The following APAF1 variants were observed in gnomAD, a reference collection of about 807,000 sequenced individuals.
The protein encoded by APAF1 is apoptotic protease-activating factor 1.
In APAF1, 91 loss-of-function variants were observed where a neutral mutation model predicts 152.4. That is an observed-to-expected ratio of 0.60 (90% confidence interval 0.50 to 0.71). The LOEUF is 0.71. Among genes scored for constraint, APAF1 ranks in the 30% least tolerant of loss-of-function variants. The pLI is 0.00. For synonymous variants in APAF1, 484 were observed against 494.1 expected, an observed-to-expected ratio of 0.98 and a Z score of 0.27; for missense variants, 1,283 against 1,472.0, an observed-to-expected ratio of 0.87 and a Z score of 2.10.
chr12:98,648,118 C>A (rs1042796171), intron 1 of APAF1, among the ~76,000 whole-genome samples: 2 of 152,088 alleles, frequency 1.3e-5, no homozygotes, highest in Non-Finnish European at 2.9e-5. Context: ...AAATTGCATT[C>A]ATTTTCTAGT....
At chr12:98,682,044 A>ATTTTTT (rs1201758624) in intron 14 of APAF1, among the ~76,000 whole-genome samples, 1 of 141,204 alleles carries the variant, frequency 7.1e-6, no homozygotes, top group African/African-American at 2.7e-5. Flanking sequence ...ATGATGATTA[A>ATTTTTT]TTTTTTTGTT....
intron 5 of APAF1, 91 bp from the exon 6 acceptor site, chr12:98,662,365 G>T: frequency 1.0e-6 from 1 of 960,944 alleles, no homozygotes. Flanking sequence ...ATTTAATTTG[G>T]TAGATTTTAA....
Position 98,683,186 on chromosome 12 carries a change from A to G in APAF1, c.2090A>G (p.Glu697Gly). 6.2e-7 allele frequency: 1 copy of G among 1,613,058 alleles called. No individual in the cohort carries two copies. Residue 697 changes from glutamate to glycine, a missense_variant, in exon 15 of 27, where the codon GAG (glutamate) becomes GGG (glycine). By Grantham distance (98) the Glu-to-Gly change is moderately conservative. Coordinates refer to ENST00000551964, the MANE Select transcript of APAF1 (RefSeq NM_181861.2). The stretch of plus-strand genomic sequence containing the variant: ...GGGGAACTAGTACACACCTATGATG[A>G]GCACTCAGAGCAAGTCAATTGCTGC... ...MTGELVHTYD[E>G]HSEQVNCCHF...
intron 16 of APAF1, among the ~76,000 whole-genome samples, chr12:98,689,495 T>TGTGTGA (rs142801463): frequency 0.016 from 2,414 of 151,064 alleles, 48 homozygotes; most frequent in African/African-American, 0.037. Flanking sequence ...TGTGTGTGTG[T>TGTGTGA]GAGAGAGAGA....
chr12:98,668,134 T>C (rs11109566), intron 10 of APAF1, among the ~76,000 whole-genome samples: 9 of 152,300 alleles, frequency 5.9e-5, no homozygotes, highest in East Asian at 1.9e-4. Context: ...TTGTCGTCGT[T>C]GTTTGGTATT....
intron 17 of APAF1, among the ~76,000 whole-genome samples, chr12:98,702,167 G>T (rs1199955433): frequency 6.6e-6 from 1 of 151,944 alleles, no homozygotes; most frequent in Non-Finnish European, 1.5e-5. Flanking sequence ...CTGGGTTCAC[G>T]CCATTCTCCT....
In APAF1 at chr12:98,671,698, G is replaced by C. The variant is rs2097680336; in HGVS notation, c.1772G>C (p.Gly591Ala). ...CAGGCCAAGCAGGAGGTCGATAATG[G>C]AATGCTTTACCTGGAATGGATGTAA... is the stretch of plus-strand genomic sequence containing the variant. The part of the protein sequence containing the change: ...KLQAKQEVDN[G>A]MLYLEWINKK... Residue 591 changes from glycine to alanine, a missense_variant, in exon 12 of 27, where the codon GGA (glycine) becomes GCA (alanine). By Grantham distance (60) the Gly-to-Ala change is moderately conservative. Transcript: ENST00000551964. 6.2e-7 allele frequency: 1 copy of C among 1,614,102 alleles called. No homozygotes were observed. The highest frequency in any genetic ancestry group is 8.5e-7 in the Non-Finnish European group (1 of 1,180,006).
chr12:98,661,637 G>A (rs566445699), intron 5 of APAF1, among the ~76,000 whole-genome samples: 1 of 151,920 alleles, frequency 6.6e-6, no homozygotes, highest in South Asian at 2.1e-4. Flanking sequence ...CACCTCGCCT[G>A]GCTAATATTA....
At chr12:98,667,413 G>A in intron 9 of APAF1, 100 bp from the exon 10 acceptor site, 1 of 1,467,464 alleles carries the variant, frequency 6.8e-7, no homozygotes, top group South Asian at 1.1e-5. Context: ...ACCGAGCCCG[G>A]CCTCTCTGTA....
intron 21 of APAF1, 146 bp from the exon 22 acceptor site, chr12:98,715,278 ATAT>A (rs1424394566): frequency 6.1e-5 from 17 of 279,684 alleles, no homozygotes; most frequent in East Asian, 5.1e-4. Context: ...ATATATATAT[ATAT>A]GACATTCATT....
chr12:98,660,250 G>GT, intron 5 of APAF1, among the ~76,000 whole-genome samples: 1 of 152,202 alleles, frequency 6.6e-6, no homozygotes, highest in Non-Finnish European at 1.5e-5. Flanking sequence ...GGAGGCTAAG[G>GT]TGGGAGGATC....
Position 98,683,177 on chromosome 12 carries a change from C to G in APAF1, c.2081C>G (p.Thr694Ser), listed in dbSNP as rs1484208059. Residue 694 changes from threonine (T) to serine (S), a missense_variant, in exon 15 of 27, where the codon ACC becomes AGC. Coordinates refer to ENST00000551964, the MANE Select transcript of APAF1 (RefSeq NM_181861.2). ...WNSMTGELVH[T>S]YDEHSEQVNC... is the part of the protein sequence containing the mutation. ...TCTATGACTGGGGAACTAGTACACA[C>G]CTATGATGAGCACTCAGAGCAAGTC... 1 of 1,612,888 alleles carries G rather than the reference C, an allele frequency of 6.2e-7. No homozygotes were observed. Among genetic ancestry groups the G allele is most frequent in the Non-Finnish European group, 8.5e-7 (1 of 1,179,034 alleles).
At chr12:98,647,619 C>T (rs2097643096) in intron 1 of APAF1, among the ~76,000 whole-genome samples, 2 of 151,924 alleles carry the variant, frequency 1.3e-5, no homozygotes, top group Admixed American at 1.3e-4. Context: ...ATCCACCCGC[C>T]TCGGCCTCCC....
At chr12:98,702,641 A>G (rs958183248) in intron 17 of APAF1, among the ~76,000 whole-genome samples, 3 of 151,648 alleles carry the variant, frequency 2.0e-5, no homozygotes, top group Non-Finnish European at 4.4e-5. Flanking sequence ...CCTGACCAAC[A>G]TGGAGAAACC....
At chr12:98,687,598 A>G (rs1346975039) in intron 16 of APAF1, among the ~76,000 whole-genome samples, 4 of 152,000 alleles carry the variant, frequency 2.6e-5, no homozygotes, top group Admixed American at 2.0e-4. Context: ...GAGAAGGGAG[A>G]GAGTGAGGAG....
chr12:98,663,090 G>A (rs2097667651), intron 7 of APAF1, among the ~76,000 whole-genome samples: 1 of 152,196 alleles, frequency 6.6e-6, no homozygotes, highest in South Asian at 2.1e-4. Flanking sequence ...TAAAAATAGA[G>A]TGAGAATCAG....
chr12:98,684,994 C>T (rs934077100), intron 15 of APAF1, among the ~76,000 whole-genome samples: 1 of 152,186 alleles, frequency 6.6e-6, no homozygotes, highest in Non-Finnish European at 1.5e-5. Context: ...AATTGTGAAG[C>T]TGCCTTCATG....
chr12:98,681,109 T>C (rs1565872774), intron 14 of APAF1, among the ~76,000 whole-genome samples: 1 of 152,214 alleles, frequency 6.6e-6, no homozygotes, highest in Non-Finnish European at 1.5e-5. Context: ...ACACCCAGAC[T>C]GGAGTGCAGT....
intron 25 of APAF1, chr12:98,726,690 G>A (rs1249351375): frequency 3.2e-5 from 5 of 155,150 alleles, no homozygotes; most frequent in African/African-American, 9.6e-5. Flanking sequence ...GTTATGAGGC[G>A]GTGTTTCATT....
Sources: gnomAD v4.1 joint callset for allele counts (sites outside exome capture counted in the v4.1 genomes callset) on GRCh38, gnomAD v4.1.1 for gene constraint, MANE v1.5 for transcripts, NCBI Gene and HGNC (gene_info 2026-07-23, HGNC 2026-07-21) for gene names.